Variants in EIF3H observed in about 807,000 individuals in gnomAD.
The protein encoded by EIF3H is eIF-3-gamma.
In EIF3H, 26 loss-of-function variants were observed where a neutral mutation model predicts 44.2. The ratio of observed to expected loss-of-function variants is 0.59; its 90% CI spans 0.43 to 0.82. EIF3H has a LOEUF of 0.82. Ranked by LOEUF, EIF3H falls within the 40% of genes least tolerant of loss-of-function variation. The pLI is 0.00. For missense variants in EIF3H, 359 were observed against 432.8 expected (o/e 0.83, Z 1.51); for synonymous variants, 166 against 151.9 (o/e 1.09, Z -0.68).
At chr8:116,741,945 G>A (rs372765231) in intron 1 of EIF3H, among the ~76,000 whole-genome samples, 17 of 152,186 alleles carry the variant, frequency 1.1e-4, no homozygotes, top group African/African-American at 4.1e-4. Flanking sequence ...GCAGAAAGCT[G>A]CATTAGTCTT....
chr8:116,747,954 A>G (rs1458923627), intron 1 of EIF3H, among the ~76,000 whole-genome samples: 1 of 152,126 alleles, frequency 6.6e-6, no homozygotes, highest in African/African-American at 2.4e-5. Context: ...TACTATAAAT[A>G]CAAAAAATTA....
At chr8:116,709,036 T>C (rs1156823831) in intron 2 of EIF3H, among the ~76,000 whole-genome samples, 2 of 151,964 alleles carry the variant, frequency 1.3e-5, no homozygotes, top group Admixed American at 6.6e-5. Flanking sequence ...AAAGAAATTA[T>C]GGTCTAAATC....
At chr8:116,754,354 G>A (rs1815406668) in intron 1 of EIF3H, among the ~76,000 whole-genome samples, 1 of 151,944 alleles carries the variant, frequency 6.6e-6, no homozygotes, top group African/African-American at 2.4e-5. Context: ...CTCCTGATCC[G>A]CCCGCCTCGG....
intron 5 of EIF3H, among the ~76,000 whole-genome samples, chr8:116,649,978 GAGGCCTGGC>G (rs1563632101): frequency 6.6e-6 from 1 of 152,168 alleles, no homozygotes; most frequent in Admixed American, 6.5e-5. Flanking sequence ...GATGACACAA[GAGGCCTGGC>G]ATGGCTAGAG....
intron 2 of EIF3H, among the ~76,000 whole-genome samples, chr8:116,662,823 G>A (rs949505850): frequency 2.6e-5 from 4 of 152,218 alleles, no homozygotes; most frequent in Admixed American, 2.0e-4. Flanking sequence ...CTATGGACAA[G>A]GGAACAATCG....
At chr8:116,679,365 G>A (rs1242365532) in intron 2 of EIF3H, among the ~76,000 whole-genome samples, 9 of 73,894 alleles carry the variant, frequency 1.2e-4, no homozygotes, top group Admixed American at 2.5e-4. Context: ...CCCCCCGCCC[G>A]GTCAGCCCCC....
At chr8:116,739,377 G>A (rs369629193) in intron 1 of EIF3H, among the ~76,000 whole-genome samples, 4 of 152,220 alleles carry the variant, frequency 2.6e-5, no homozygotes, top group African/African-American at 9.6e-5. Flanking sequence ...GCGGCCGGGC[G>A]CCATGGCTCA....
chr8:116,645,230 A>C (rs950213348), intron 7 of EIF3H, 127 bp from the exon 8 acceptor site: 9 of 690,528 alleles, frequency 1.3e-5, no homozygotes, highest in Admixed American at 1.1e-4. Context: ...TCCAGAGTTT[A>C]TTTTTCCATA....
At chr8:116,660,256 C>T (rs142494128) in intron 2 of EIF3H, among the ~76,000 whole-genome samples, 62 of 152,272 alleles carry the variant, frequency 4.1e-4, no homozygotes, top group Non-Finnish European at 6.5e-4. Flanking sequence ...TAACTTGAAA[C>T]CTGTTTCATT....
chr8:116,743,833 CACACAT>C (rs1256235162), intron 1 of EIF3H, among the ~76,000 whole-genome samples: 63 of 107,976 alleles, frequency 5.8e-4, no homozygotes, highest in Non-Finnish European at 7.9e-4. Flanking sequence ...CACACACACA[CACACAT>C]ATATAAATAA....
chr8:116,742,343 A>G (rs1815147626), intron 1 of EIF3H, among the ~76,000 whole-genome samples: 2 of 152,240 alleles, frequency 1.3e-5, no homozygotes, highest in South Asian at 4.1e-4. Context: ...AAAATTAGTC[A>G]CATGTAAGTA....
chr8:116,673,992 C>G (rs1048243870), intron 2 of EIF3H, among the ~76,000 whole-genome samples: 1 of 133,302 alleles, frequency 7.5e-6, no homozygotes, highest in Non-Finnish European at 1.5e-5. Flanking sequence ...ATGGCGTGAA[C>G]CTGGGAGGCG....
chr8:116,644,706 G>A lies in EIF3H; in HGVS notation c.*300C>T, dbSNP rs1813271586. ...GCACCTGAGAGGCAGCAAAAGTGGT[G>A]GAGCCTATAGGTTTCTGCCTGGTGA... On this transcript the variant is annotated 3_prime_UTR_variant, in exon 8 of 8. Transcript: ENST00000521861. 1 of 265,920 alleles carries A rather than the reference G, an allele frequency of 3.8e-6. No individual in the cohort carries two copies. The highest frequency in any genetic ancestry group is 1.0e-4 in the South Asian group (1 of 9,972). The allele number at this position is 265,920 out of a possible 1,614,324, so 16.5% of individuals were successfully genotyped here. A position where few individuals can be genotyped will look rare whatever the true frequency, so the allele number is the denominator to read the frequency against.
In EIF3H at chr8:116,646,528, A is replaced by G; in HGVS notation, c.904T>C (p.Ser302Pro). 1 of 1,614,186 alleles carries G rather than the reference A, an allele frequency of 6.2e-7. No individual in the cohort carries two copies. ...GGCTGTGGTGGTTTGAAGAGTTTGG[A>G]CAGGTCCTCCTCAGGGAGCGGGGGT... Reference protein sequence around the residue: ...GEPPLPEEDLSKLFKPPQPPA... With the variant: ...GEPPLPEEDLPKLFKPPQPPA... Residue 302 changes from serine (S) to proline (P), a missense_variant, in exon 7 of 8, where the codon TCC (serine) becomes CCC (proline). By Grantham distance (74) the Ser-to-Pro change is moderately conservative. This residue lies in a region of EIF3H where 94 missense variants were observed against 96.0 expected (regional missense o/e 0.98). Transcript: ENST00000521861.
At chr8:116,739,215 C>A (rs1272260575) in intron 1 of EIF3H, among the ~76,000 whole-genome samples, 2 of 152,246 alleles carry the variant, frequency 1.3e-5, no homozygotes, top group Non-Finnish European at 2.9e-5. Flanking sequence ...TAAGGACATG[C>A]TCAAGTCTTA....
In EIF3H at chr8:116,674,448, C is replaced by T. The variant is rs192523383; in HGVS notation, c.290-15468G>A. On this transcript the variant is annotated intron_variant, in intron 2 of 7. Transcript: ENST00000521861. ...AAGCACAGCTGCATTCTATCATACG[C>T]ATTCTATCCATCCCACTTTTTCCAG... is the stretch of plus-strand genomic sequence containing the variant. Among the ~76,000 whole-genome samples the T allele has an allele frequency of 1.6e-3, 244 of 152,208 alleles. 1 individual carries two copies. Among genetic ancestry groups the T allele is most frequent in the African/African-American group, 5.7e-3 (236 of 41,524 alleles).
At chr8:116,738,587 C>T (rs1457861054) in intron 1 of EIF3H, among the ~76,000 whole-genome samples, 1 of 152,152 alleles carries the variant, frequency 6.6e-6, no homozygotes, top group East Asian at 1.9e-4. Flanking sequence ...TATGCTTCAA[C>T]AATTGAACAA....
At chr8:116,682,642 C>T (rs937878461) in intron 2 of EIF3H, among the ~76,000 whole-genome samples, 7 of 152,108 alleles carry the variant, frequency 4.6e-5, no homozygotes, top group African/African-American at 1.2e-4. Flanking sequence ...TTATTCCAAG[C>T]GATCTGTACC....
chr8:116,676,059 C>T (rs1358641817), intron 2 of EIF3H, among the ~76,000 whole-genome samples: 1 of 152,130 alleles, frequency 6.6e-6, no homozygotes, highest in Admixed American at 6.5e-5. Flanking sequence ...TAAGCTAATT[C>T]ACTACCATCG....
Sources: allele counts gnomAD v4.1 joint callset (sites outside exome capture counted in the v4.1 genomes callset), GRCh38; gene constraint gnomAD v4.1.1; regional missense constraint gnomAD v4.1.1; transcripts MANE v1.5; gene names NCBI Gene and HGNC (gene_info 2026-07-23, HGNC 2026-07-21).